CACNA2D3: variants seen among roughly 807,000 people sequenced by gnomAD.
CACNA2D3 encodes the protein voltage-dependent calcium channel subunit alpha-2/delta-3.
In CACNA2D3, 60 loss-of-function variants were observed where a neutral mutation model predicts 160.6. That is an observed-to-expected ratio of 0.37 (90% CI 0.30 to 0.46). CACNA2D3 has a LOEUF of 0.46. CACNA2D3 is among the 20% of genes least tolerant of loss of function. The probability of loss-of-function intolerance (pLI) is 1.00; values close to 1 mark genes in which losing one functional copy is unlikely to be tolerated. For missense variants in CACNA2D3, 1,205 were observed against 1,365.0 expected (o/e 0.88, Z 1.85); for synonymous variants, 558 against 492.9 (o/e 1.13, Z -1.75).
chr3:54,934,485 T>C (rs1006052451), intron 27 of CACNA2D3, among the ~76,000 whole-genome samples: 8 of 152,174 alleles, frequency 5.3e-5, no homozygotes, highest in Admixed American at 2.0e-4. Context: ...TGCATATGAA[T>C]ATCAGCGGAG....
chr3:54,955,701 G>GCT (rs1392950025), intron 27 of CACNA2D3, among the ~76,000 whole-genome samples: 1 of 152,128 alleles, frequency 6.6e-6, no homozygotes, highest in African/African-American at 2.4e-5. Context: ...AGACAGCCTG[G>GCT]CTCTCCCCTG....
chr3:54,984,246 A>G (rs1702566927), intron 29 of CACNA2D3, among the ~76,000 whole-genome samples: 2 of 152,082 alleles, frequency 1.3e-5, no homozygotes, highest in African/African-American at 4.8e-5. Context: ...AACCGCCAAT[A>G]CAGGCTTGGG....
intron 4 of CACNA2D3, among the ~76,000 whole-genome samples, chr3:54,490,197 G>A (rs1265197388): frequency 6.6e-6 from 1 of 152,242 alleles, no homozygotes; most frequent in Non-Finnish European, 1.5e-5. Flanking sequence ...ACCTGCTGCA[G>A]GCACTGTGTG....
rs149019444 is a variant in CACNA2D3 at position 54,750,518 on chromosome 3, T to C, written c.1168-2081T>C. Reference sequence around the variant, plus strand: ...GGCCTTGGAGCTGGTTGGGATCTTCTGTATTGACCAAACCAGCATCTCCCA... The same window carrying C: ...GGCCTTGGAGCTGGTTGGGATCTTCCGTATTGACCAAACCAGCATCTCCCA... On this transcript the variant is annotated intron_variant, in intron 11 of 37. Transcript: ENST00000474759. 1.4e-4 allele frequency among the ~76,000 whole-genome samples: 21 copies of C among 152,318 alleles called. No individual in the cohort carries two copies. In the East Asian group the frequency reaches 2.9e-3, roughly 21 times the overall value.
intron 31 of CACNA2D3, among the ~76,000 whole-genome samples, chr3:54,997,551 C>T (rs1013897046): frequency 6.8e-6 from 1 of 147,316 alleles, no homozygotes; most frequent in Non-Finnish European, 1.5e-5. Context: ...TCTCTACCCA[C>T]CCCCACCCAA....
intron 3 of CACNA2D3, among the ~76,000 whole-genome samples, chr3:54,377,817 T>C (rs56177385): frequency 0.099 from 15,045 of 152,228 alleles, 1,015 homozygotes; most frequent in South Asian, 0.17. Context: ...GATGTTCTTG[T>C]TACCTAATAG....
At chr3:54,969,715 T>G in intron 28 of CACNA2D3, 85 bp from the exon 29 acceptor site, 1 of 1,120,786 alleles carries the variant, frequency 8.9e-7, no homozygotes, top group Non-Finnish European at 1.3e-6. Context: ...AGCTTGTCCT[T>G]AAGTAGCTCA....
At chr3:54,290,760 G>C (rs970404884) in intron 2 of CACNA2D3, among the ~76,000 whole-genome samples, 24 of 152,122 alleles carry the variant, frequency 1.6e-4, no homozygotes, top group Non-Finnish European at 2.9e-4. Context: ...TCCTTTGTAG[G>C]GACATGGATG....
chr3:54,618,344 G>GATACATAC (rs750547637), intron 9 of CACNA2D3, among the ~76,000 whole-genome samples: 321 of 24,266 alleles, frequency 0.013, 5 homozygotes, highest in Admixed American at 0.042. Context: ...AATTGATGTT[G>GATACATAC]ATACATACAT....
intron 5 of CACNA2D3, among the ~76,000 whole-genome samples, chr3:54,555,301 G>A (rs1702226281): frequency 6.6e-6 from 1 of 152,162 alleles, no homozygotes; most frequent in African/African-American, 2.4e-5. Flanking sequence ...ATCTATGTGG[G>A]CTGACCATCT....
intron 29 of CACNA2D3, 94 bp from the exon 30 acceptor site, chr3:54,984,514 C>T: frequency 1.4e-6 from 1 of 738,532 alleles, no homozygotes; most frequent in Non-Finnish European, 2.2e-6. Flanking sequence ...ATAAGTTTGT[C>T]TAAGGTTGGA....
In CACNA2D3 at chr3:54,910,444, G is replaced by T. The variant is rs183183994; in HGVS notation, c.2449+10576G>T. On this transcript the variant is annotated intron_variant, in intron 27 of 37. Transcript: ENST00000474759. The stretch of plus-strand genomic sequence containing the variant: ...CTCATGAAGGTCACCAGTAATTTCA[G>T]TAACTTCCATTGTTCTTTTGTCGTG... 1.5e-3 allele frequency among the ~76,000 whole-genome samples: 233 copies of T among 152,308 alleles called. 1 individual carries two copies. The highest frequency in any genetic ancestry group is 5.4e-3 in the African/African-American group (223 of 41,564).
intron 16 of CACNA2D3, among the ~76,000 whole-genome samples, chr3:54,839,212 C>A (rs1009677263): frequency 6.6e-6 from 1 of 152,062 alleles, no homozygotes; most frequent in Non-Finnish European, 1.5e-5. Flanking sequence ...GAGCTGAAAT[C>A]GCACCACTGC....
chr3:54,984,052 A>C (rs1488889310), intron 29 of CACNA2D3, among the ~76,000 whole-genome samples: 1 of 152,210 alleles, frequency 6.6e-6, no homozygotes, highest in African/African-American at 2.4e-5. Flanking sequence ...GAAAACCTTT[A>C]GGAGGCCTGA....
At chr3:54,258,075 G>A (rs188255606) in intron 2 of CACNA2D3, among the ~76,000 whole-genome samples, 59 of 152,334 alleles carry the variant, frequency 3.9e-4, no homozygotes, top group African/African-American at 1.4e-3. Context: ...AAACAGAGGA[G>A]CATCAAAGCA....
intron 17 of CACNA2D3, among the ~76,000 whole-genome samples, chr3:54,866,127 C>T (rs1173494974): frequency 6.6e-6 from 1 of 151,896 alleles, no homozygotes; most frequent in East Asian, 1.9e-4. Flanking sequence ...CTTTTCCATG[C>T]CCTCCAAGGC....
In CACNA2D3 at chr3:54,752,604, C is replaced by T. The variant is rs776630107; in HGVS notation, c.1173C>T (p.Arg391=). The change falls in exon 12 of 38, where the codon CGC becomes CGT. Residue 391 remains arginine (R), a synonymous_variant. Coordinates refer to ENST00000474759, the MANE Select transcript of CACNA2D3 (RefSeq NM_018398.3). ...AKYNWPDRKV[R]IFTYLIGREA... ...TGCGTTTGTCTTCCCTTCAGGTTCGCATCTTCACATACCTCATTGGACGAG... is the reference window on the plus strand; with the variant it reads ...TGCGTTTGTCTTCCCTTCAGGTTCGTATCTTCACATACCTCATTGGACGAG... 2.7e-5 allele frequency: 43 copies of T among 1,612,976 alleles called. No homozygotes were observed. Among genetic ancestry groups the T allele is most frequent in the South Asian group, 9.9e-5 (9 of 90,768 alleles).
At chr3:54,962,336 T>C (rs1366329227) in intron 27 of CACNA2D3, among the ~76,000 whole-genome samples, 1 of 152,126 alleles carries the variant, frequency 6.6e-6, no homozygotes, top group Non-Finnish European at 1.5e-5. Context: ...GATATAACAC[T>C]CTAAGGAACA....
At chr3:54,227,855 C>T (rs1277747890) in intron 2 of CACNA2D3, among the ~76,000 whole-genome samples, 2 of 152,288 alleles carry the variant, frequency 1.3e-5, no homozygotes, top group South Asian at 2.1e-4. Flanking sequence ...GGCCTGTCCA[C>T]GTCTCTTTTG....
Sources: allele counts gnomAD v4.1 joint callset (sites outside exome capture counted in the v4.1 genomes callset), GRCh38; gene constraint gnomAD v4.1.1; transcripts MANE v1.5; gene names NCBI Gene and HGNC (gene_info 2026-07-23, HGNC 2026-07-21).